The following RGS6 variants were observed in gnomAD, a reference collection of about 807,000 sequenced individuals.
The protein encoded by RGS6 is regulator of G-protein signaling 6.
In RGS6, 30 loss-of-function variants were observed where a neutral mutation model predicts 78.5. That is an observed-to-expected ratio of 0.38 (90% CI 0.29 to 0.52). The LOEUF (loss-of-function observed/expected upper bound fraction) is 0.52. Among genes scored for constraint, RGS6 ranks in the 20% least tolerant of loss-of-function variants. RGS6 has a pLI of 0.85. For synonymous variants in RGS6, 206 were observed against 206.0 expected, an observed-to-expected ratio of 1.00 and a Z score of 0.00; for missense variants, 495 against 609.7, an observed-to-expected ratio of 0.81 and a Z score of 1.98.
At chr14:72,628,487 A>G in the RGS6 span, among the ~76,000 whole-genome samples, 9 of 152,182 alleles carry the variant, frequency 5.9e-5, no homozygotes, top group African/African-American at 2.2e-4. Flanking sequence ...AAATTATCCA[A>G]TAAGAATATC....
At chr14:72,299,304 C>A (rs1022837433) in intron 2 of RGS6, among the ~76,000 whole-genome samples, 6 of 152,134 alleles carry the variant, frequency 3.9e-5, no homozygotes, top group African/African-American at 1.4e-4. Flanking sequence ...GGCTACCACT[C>A]CTCTCTTTTC....
At chr14:72,465,258 A>C (rs1416060352) in intron 6 of RGS6, among the ~76,000 whole-genome samples, 2 of 152,212 alleles carry the variant, frequency 1.3e-5, no homozygotes, top group Non-Finnish European at 1.5e-5. Flanking sequence ...TGAGGACTCC[A>C]GGCAGAGCTT....
At chr14:72,226,971 G>A (rs1396338771) in intron 2 of RGS6, among the ~76,000 whole-genome samples, 1 of 152,152 alleles carries the variant, frequency 6.6e-6, no homozygotes, top group Non-Finnish European at 1.5e-5. Context: ...ACAGGCGTGA[G>A]CCACTGTACC....
At chr14:72,226,598 TG>T (rs1190121285) in intron 2 of RGS6, among the ~76,000 whole-genome samples, 1 of 152,242 alleles carries the variant, frequency 6.6e-6, no homozygotes, top group East Asian at 1.9e-4. Context: ...CAATATCAAC[TG>T]GGAACTTGTC....
rs781779291 is a variant in RGS6, at chr14:72,540,247, G to A, written c.1422+153G>A. The A allele has an allele frequency of 1.9e-5, 30 of 1,541,750 alleles. 1 individual carries two copies. Among genetic ancestry groups the A allele is most frequent in the East Asian group, 6.8e-5 (3 of 44,402 alleles). ...CCTCGACTCAGCCCTTTTCTTTTGCGAGTGTCTGCAGCTTCTCTTCTAGGG... is the reference window on the plus strand; with the variant it reads ...CCTCGACTCAGCCCTTTTCTTTTGCAAGTGTCTGCAGCTTCTCTTCTAGGG... On this transcript the variant is annotated intron_variant, in intron 17 of 17. Transcript: ENST00000553525.
At chr14:72,606,453 G>A in the RGS6 span, among the ~76,000 whole-genome samples, 2 of 151,954 alleles carry the variant, frequency 1.3e-5, no homozygotes, top group African/African-American at 2.4e-5. Flanking sequence ...TATCTCTATC[G>A]CAACCCCACC....
chr14:72,372,063 T>G (rs1258604304), intron 3 of RGS6, among the ~76,000 whole-genome samples: 1 of 152,250 alleles, frequency 6.6e-6, no homozygotes, highest in Non-Finnish European at 1.5e-5. Flanking sequence ...GAACATTAGT[T>G]TTCAGCTTAG....
chr14:72,155,145 A>G (rs1485674204), intron 2 of RGS6, among the ~76,000 whole-genome samples: 7 of 152,056 alleles, frequency 4.6e-5, no homozygotes, highest in Admixed American at 4.6e-4. Flanking sequence ...CCCACACAGG[A>G]CTCCTGCCTG....
chr14:71,996,157 T>TG (rs954724401), intron 2 of RGS6, among the ~76,000 whole-genome samples: 6 of 21,368 alleles, frequency 2.8e-4, no homozygotes, highest in Non-Finnish European at 1.0e-3. Flanking sequence ...TAGAAGTGTG[T>TG]TTTTTTTTTT....
At chr14:72,345,287 C>G (rs1467444937) in intron 2 of RGS6, among the ~76,000 whole-genome samples, 2 of 152,318 alleles carry the variant, frequency 1.3e-5, no homozygotes, top group East Asian at 3.9e-4. Flanking sequence ...GCACCACACA[C>G]ATATGGACTG....
chr14:72,418,035 T>C (rs1381797545), intron 3 of RGS6, among the ~76,000 whole-genome samples: 1 of 152,140 alleles, frequency 6.6e-6, no homozygotes, highest in African/African-American at 2.4e-5. Context: ...TTCTCCCACC[T>C]TTCCTCCATC....
intron 2 of RGS6, among the ~76,000 whole-genome samples, chr14:72,166,759 A>T (rs2096933563): frequency 6.6e-6 from 1 of 152,216 alleles, no homozygotes; most frequent in African/African-American, 2.4e-5. Context: ...ATCTCAGAAG[A>T]TATAACACAG....
chr14:72,527,186 G>A (rs903937024), intron 15 of RGS6, among the ~76,000 whole-genome samples: 2 of 152,230 alleles, frequency 1.3e-5, no homozygotes, highest in Admixed American at 1.3e-4. Flanking sequence ...AGCAGTGATA[G>A]TGAATAGTAC....
At chr14:72,543,532 T>C (rs34981191) in intron 17 of RGS6, among the ~76,000 whole-genome samples, 2,098 of 152,320 alleles carry the variant, frequency 0.014, 26 homozygotes, top group Non-Finnish European at 0.022. Context: ...TCACTGTGGG[T>C]TGCCTTTGCT....
intron 2 of RGS6, among the ~76,000 whole-genome samples, chr14:72,339,894 G>A (rs1303256407): frequency 6.6e-6 from 1 of 152,160 alleles, no homozygotes; most frequent in African/African-American, 2.4e-5. Flanking sequence ...AGGACCTCAG[G>A]TGCTGTTGGG....
intron 2 of RGS6, among the ~76,000 whole-genome samples, chr14:72,263,391 G>T (rs185788050): frequency 6.6e-6 from 1 of 152,154 alleles, no homozygotes; most frequent in Non-Finnish European, 1.5e-5. Flanking sequence ...ACCACCTGGA[G>T]ATTTGGCTCC....
intron 2 of RGS6, among the ~76,000 whole-genome samples, chr14:72,049,930 A>T (rs1467157708): frequency 6.6e-6 from 1 of 152,252 alleles, no homozygotes; most frequent in Non-Finnish European, 1.5e-5. Context: ...CAGTGACACT[A>T]AATATATACA....
intron 3 of RGS6, among the ~76,000 whole-genome samples, chr14:72,403,002 G>A (rs2092605134): frequency 6.6e-6 from 1 of 151,750 alleles, no homozygotes; most frequent in Non-Finnish European, 1.5e-5. Context: ...TGTTAGCCAG[G>A]CTGGTCTTGA....
Position 72,459,691 on chromosome 14 carries a change from C to T in RGS6, c.394+8C>T, listed in dbSNP as rs549848671. On this transcript the variant is annotated splice_region_variant and intron_variant, in intron 6 of 17. Transcript: ENST00000553525. ...CTGAAAACACTGACTATGGTGAGAA[C>T]TGAAGCCACTGGGAACTCTCAACTT... The T allele has an allele frequency of 4.3e-6, 7 of 1,613,880 alleles. No homozygotes were observed. Among genetic ancestry groups the T allele is most frequent in the Middle Eastern group, 1.6e-4 (1 of 6,084 alleles).
Sources: allele counts gnomAD v4.1 joint callset (sites outside exome capture counted in the v4.1 genomes callset), GRCh38; gene constraint gnomAD v4.1.1; transcripts MANE v1.5; gene names NCBI Gene and HGNC (gene_info 2026-07-23, HGNC 2026-07-21).